The following BEND5 variants were observed in gnomAD, a reference collection of about 807,000 sequenced individuals.
The protein encoded by BEND5 is BEN domain-containing protein 5.
Under a neutral mutation model 43.9 loss-of-function variants are expected in BEND5, and 22 were observed. The ratio of observed to expected loss-of-function variants is 0.50; its 90% CI spans 0.36 to 0.72. The LOEUF (loss-of-function observed/expected upper bound fraction) is 0.72. Among genes scored for constraint, BEND5 ranks in the 30% least tolerant of loss-of-function variants. The probability of loss-of-function intolerance (pLI) is 0.00; values close to 1 mark genes in which losing one functional copy is unlikely to be tolerated. For missense variants in BEND5, 428 were observed against 550.6 expected, an observed-to-expected ratio of 0.78 and a Z score of 2.23; for synonymous variants, 228 against 225.9, an observed-to-expected ratio of 1.01 and a Z score of -0.08.
intron 5 of BEND5, among the ~76,000 whole-genome samples, chr1:48,734,103 C>T (rs1362789254): frequency 1.3e-5 from 2 of 152,120 alleles, no homozygotes; most frequent in Non-Finnish European, 2.9e-5. Context: ...GGTGACCTCC[C>T]AAATCAGGCT....
chr1:48,743,062 C>A (rs1306901823), intron 3 of BEND5, among the ~76,000 whole-genome samples: 1 of 152,118 alleles, frequency 6.6e-6, no homozygotes, highest in African/African-American at 2.4e-5. Flanking sequence ...CAACTTCCTG[C>A]ATAGGAAAGA....
intron 2 of BEND5, among the ~76,000 whole-genome samples, chr1:48,759,764 CA>C (rs1322008703): frequency 2.0e-5 from 3 of 152,198 alleles, no homozygotes; most frequent in South Asian, 4.1e-4. Flanking sequence ...CCCCTAAAGG[CA>C]ATTCACCATG....
chr1:48,745,961 A>G (rs1650677212), intron 3 of BEND5, among the ~76,000 whole-genome samples: 1 of 152,038 alleles, frequency 6.6e-6, no homozygotes, highest in Admixed American at 6.5e-5. Flanking sequence ...GTGCCTTTTT[A>G]TGTCAGAAAG....
rs1649101562 is a variant in BEND5 at position 48,736,613 on chromosome 1, T to C, written c.895-161A>G. ...GGTAATCGTAATAGCTATCATCTAC[T>C]GAATACGTGTAGTGTGCCAGGCCTT... On this transcript the variant is annotated intron_variant, in intron 4 of 5. Transcript: ENST00000371833. This position sits in a 1 kb window ranked among gnomAD's most constrained non-coding sequence, Gnocchi z 4.0. Among the ~76,000 whole-genome samples the C allele has an allele frequency of 6.6e-6, 1 of 152,232 alleles. No homozygotes were observed. Among genetic ancestry groups the C allele is most frequent in the African/African-American group, 2.4e-5 (1 of 41,460 alleles).
chr1:48,759,030 C>T lies in BEND5; in HGVS notation c.615G>A (p.Glu205=). The change falls in exon 3 of 6, where the codon GAG becomes GAA. Residue 205 remains glutamate (E), a synonymous_variant. Transcript: ENST00000371833. ...EEMRHLQQEL[E]RTRRQLVQQA... ...GTTGTACCAGCTGCCTCCGAGTCCG[C>T]TCCAGCTCCTGCTGGAGGTGGCGCA... 1 of 1,614,018 alleles carries T rather than the reference C, an allele frequency of 6.2e-7. No individual in the cohort carries two copies. Among genetic ancestry groups the T allele is most frequent in the Non-Finnish European group, 8.5e-7 (1 of 1,179,954 alleles).
intron 3 of BEND5, among the ~76,000 whole-genome samples, chr1:48,745,698 C>A (rs1190419893): frequency 6.6e-6 from 1 of 152,210 alleles, no homozygotes; most frequent in Non-Finnish European, 1.5e-5. Context: ...TGAGGCTGCC[C>A]TATCCCCTCA....
intron 1 of BEND5, among the ~76,000 whole-genome samples, chr1:48,768,655 T>C (rs12739065): frequency 0.07 from 10,652 of 152,270 alleles, 595 homozygotes; most frequent in East Asian, 0.3. Flanking sequence ...ATTTGACATA[T>C]AATCAGGCTG....
intron 2 of BEND5, 198 bp downstream of exon 2, chr1:48,761,139 A>T (rs1644236579): frequency 3.5e-6 from 2 of 573,976 alleles, no homozygotes; most frequent in East Asian, 6.1e-5. Context: ...GCACAGCATG[A>T]ATCAGGGCTC....
chr1:48,774,610 C>T (rs1279112454), intron 1 of BEND5, among the ~76,000 whole-genome samples: 1 of 152,080 alleles, frequency 6.6e-6, no homozygotes, highest in East Asian at 1.9e-4. Context: ...TTTAAATAAC[C>T]ATACAGATTT....
In BEND5 at chr1:48,762,611, G is replaced by GTT. The variant is rs373279256; in HGVS notation, c.227-1143_227-1142dup. Among the ~76,000 whole-genome samples, 11 of 89,754 alleles carry GTT rather than the reference G, an allele frequency of 1.2e-4. No individual in the cohort carries two copies. The South Asian group carries it at 3.4e-3, about 28-fold the overall frequency. The allele number at this position is 89,754 out of a possible 152,430, so 58.9% of individuals were successfully genotyped here. ...AGTTAGTTAAATCCAGTCTTTAAGG[G>GTT]TTTTGTGTGTGTGTGTGTGTGTGTG... On this transcript the variant is annotated intron_variant, in intron 1 of 5. Coordinates refer to ENST00000371833, the MANE Select transcript of BEND5 (RefSeq NM_024603.4).
intron 1 of BEND5, among the ~76,000 whole-genome samples, chr1:48,768,259 T>C (rs150291270): frequency 6.7e-4 from 102 of 152,326 alleles, no homozygotes; most frequent in Middle Eastern, 3.4e-3. Flanking sequence ...AATACTGTGA[T>C]GAATTCCCAA....
At chr1:48,743,743 C>T in intron 3 of BEND5, among the ~76,000 whole-genome samples, 1 of 152,198 alleles carries the variant, frequency 6.6e-6, no homozygotes, top group East Asian at 1.9e-4. Context: ...CAACTGGGTA[C>T]AAAGCTCTTT....
Position 48,770,407 on chromosome 1 carries a change from G to A in BEND5, c.226+6199C>T, listed in dbSNP as rs571429292. Among the ~76,000 whole-genome samples the A allele has an allele frequency of 2.0e-5, 3 of 152,216 alleles. No individual in the cohort carries two copies. The South Asian group carries it at 6.2e-4, about 32-fold the overall frequency. On this transcript the variant is annotated intron_variant, in intron 1 of 5. Transcript: ENST00000371833. ...CACCTATCTCTGCTGGTTATCCCCT[G>A]ATTCTAAGTCCATCTGTTAGACTAG...
intron 3 of BEND5, among the ~76,000 whole-genome samples, chr1:48,758,638 G>GT (rs1482424114): frequency 6.6e-6 from 1 of 152,200 alleles, no homozygotes; most frequent in Non-Finnish European, 1.5e-5. Context: ...GGACTGAGCA[G>GT]TGACAAATAT....
intron 1 of BEND5, among the ~76,000 whole-genome samples, chr1:48,774,025 G>T (rs1644960016): frequency 6.6e-6 from 1 of 152,214 alleles, no homozygotes; most frequent in African/African-American, 2.4e-5. Context: ...AGTATAAAAA[G>T]AAGTATACTT....
chr1:48,758,812 C>G (rs74724453), intron 3 of BEND5, 88 bp downstream of exon 3: 2 of 1,244,540 alleles, frequency 1.6e-6, no homozygotes, highest in Non-Finnish European at 2.2e-6. Context: ...GGCACTTGGT[C>G]TCCCTCTCCC....
At chr1:48,737,867 G>A (rs1375567619) in intron 4 of BEND5, among the ~76,000 whole-genome samples, 3 of 152,168 alleles carry the variant, frequency 2.0e-5, no homozygotes, top group African/African-American at 7.2e-5. Flanking sequence ...AATGGCCTCT[G>A]TGGGGACAGA....
intron 2 of BEND5, among the ~76,000 whole-genome samples, chr1:48,760,464 C>T (rs1045866058): frequency 1.3e-5 from 2 of 152,140 alleles, no homozygotes; most frequent in African/African-American, 4.8e-5. Flanking sequence ...AATCGTAAGT[C>T]GTTTTATCTG....
intron 3 of BEND5, among the ~76,000 whole-genome samples, chr1:48,748,244 C>T (rs1651075209): frequency 6.6e-6 from 1 of 152,214 alleles, no homozygotes; most frequent in African/African-American, 2.4e-5. Flanking sequence ...TGGACCTTCT[C>T]AGACCCTCTC....
Sources: allele counts gnomAD v4.1 joint callset (sites outside exome capture counted in the v4.1 genomes callset), GRCh38; gene constraint gnomAD v4.1.1; non-coding constraint Gnocchi (gnomAD v3.1); transcripts MANE v1.5; gene names NCBI Gene and HGNC (gene_info 2026-07-23, HGNC 2026-07-21).